Variants in DCLK1 observed in about 807,000 individuals in gnomAD.
DCLK1 encodes doublecortin like kinase 1.
Under a neutral mutation model 86.2 loss-of-function variants are expected in DCLK1, and 16 were observed. The observed-to-expected ratio is 0.19, with a 90% CI of 0.13 to 0.28. The LOEUF (loss-of-function observed/expected upper bound fraction) is 0.28, where lower values mean the gene tolerates loss of function less well. Among genes scored for constraint, DCLK1 ranks in the 10% least tolerant of loss-of-function variants. The probability of loss-of-function intolerance (pLI) is 1.00; values close to 1 mark genes in which losing one functional copy is unlikely to be tolerated. For missense variants in DCLK1, 590 were observed against 940.2 expected (o/e 0.63, Z 4.87); for synonymous variants, 369 against 370.5 (o/e 1.00, Z 0.05).
chr13:35,833,438 T>A (rs1869119100), intron 8 of DCLK1, among the ~76,000 whole-genome samples: 1 of 152,170 alleles, frequency 6.6e-6, no homozygotes, highest in African/African-American at 2.4e-5. Context: ...AGCTTCAAAG[T>A]AGAGCATGTC....
chr13:35,898,525 C>T (rs894303158), intron 4 of DCLK1, among the ~76,000 whole-genome samples: 5 of 152,098 alleles, frequency 3.3e-5, no homozygotes. Context: ...ACGATCTCAC[C>T]ATTTAGGCAT....
chr13:35,946,593 A>T (rs1877393492), intron 4 of DCLK1, among the ~76,000 whole-genome samples: 1 of 152,208 alleles, frequency 6.6e-6, no homozygotes, highest in Non-Finnish European at 1.5e-5. Flanking sequence ...AAGCATTTCC[A>T]ACTACGCAGA....
intron 4 of DCLK1, among the ~76,000 whole-genome samples, chr13:35,943,714 T>C (rs1049829882): frequency 1.3e-5 from 2 of 152,238 alleles, no homozygotes. Flanking sequence ...AGCATCAGGC[T>C]CATCCCCAAG....
intron 3 of DCLK1, among the ~76,000 whole-genome samples, chr13:36,107,335 AT>A (rs10670428): frequency 0.03 from 3,255 of 110,140 alleles, 8 homozygotes; most frequent in Middle Eastern, 0.05. Flanking sequence ...GCAGTGGTAG[AT>A]TTTTTTTTTT....
intron 3 of DCLK1, among the ~76,000 whole-genome samples, chr13:36,051,210 T>A (rs1471217254): frequency 6.6e-6 from 1 of 152,192 alleles, no homozygotes; most frequent in Non-Finnish European, 1.5e-5. Context: ...TAGACACTAA[T>A]CCTTCCAGCT....
chr13:35,937,916 C>T (rs1486198622), intron 4 of DCLK1, among the ~76,000 whole-genome samples: 2 of 151,950 alleles, frequency 1.3e-5, no homozygotes, highest in Non-Finnish European at 2.9e-5. Context: ...ACTGGAGGCT[C>T]TTTTAGGATA....
chr13:36,068,564 CTT>C (rs10591840), intron 3 of DCLK1, among the ~76,000 whole-genome samples: 42,217 of 150,546 alleles, frequency 0.28, 6,238 homozygotes, highest in Non-Finnish European at 0.34. Flanking sequence ...AGAGAACAGT[CTT>C]TTTTTTTTTA....
intron 15 of DCLK1, among the ~76,000 whole-genome samples, chr13:35,794,937 A>T (rs2086778343): frequency 6.6e-6 from 1 of 152,200 alleles, no homozygotes; most frequent in Non-Finnish European, 1.5e-5. Context: ...GGAATAGCAG[A>T]GTGTGGGAGG....
At chr13:35,800,511 T>C (rs1170822494) in intron 15 of DCLK1, among the ~76,000 whole-genome samples, 1 of 152,140 alleles carries the variant, frequency 6.6e-6, no homozygotes, top group Non-Finnish European at 1.5e-5. Flanking sequence ...CGCTCATGAC[T>C]CTTTCAACAA....
chr13:35,886,157 A>C (rs996231612), intron 4 of DCLK1, among the ~76,000 whole-genome samples: 2 of 151,780 alleles, frequency 1.3e-5, no homozygotes, highest in African/African-American at 4.8e-5. Flanking sequence ...GACTACAGGC[A>C]CATGCCACCA....
At chr13:35,828,182 G>T in intron 9 of DCLK1, 68 bp downstream of exon 9, 1 of 1,294,886 alleles carries the variant, frequency 7.7e-7, no homozygotes, top group Non-Finnish European at 1.1e-6. Context: ...ATTTGTTTGG[G>T]AGTGATCTTT....
At chr13:36,045,724 C>T (rs181442882) in intron 3 of DCLK1, among the ~76,000 whole-genome samples, 55 of 151,834 alleles carry the variant, frequency 3.6e-4, no homozygotes, top group East Asian at 5.8e-4. Context: ...TGGTGGTGAA[C>T]GCCTGTAGTC....
intron 11 of DCLK1, among the ~76,000 whole-genome samples, chr13:35,816,668 C>T (rs1467754423): frequency 6.6e-6 from 1 of 152,144 alleles, no homozygotes; most frequent in Admixed American, 6.6e-5. Flanking sequence ...AAATAAGTGG[C>T]AGGGCCAGAA....
chr13:35,854,630 C>T, intron 5 of DCLK1, 37 bp from the exon 6 acceptor site: 1 of 1,495,652 alleles, frequency 6.7e-7, no homozygotes, highest in Non-Finnish European at 9.0e-7. Context: ...AGAAAAATGG[C>T]ACGTTAAATA....
chr13:35,830,883 G>A (rs1868906138), intron 8 of DCLK1, among the ~76,000 whole-genome samples: 1 of 152,206 alleles, frequency 6.6e-6, no homozygotes, highest in African/African-American at 2.4e-5. Context: ...ATTTCCCCAT[G>A]TTTGCCATTT....
chr13:35,853,573 C>T (rs1262514529), intron 6 of DCLK1, among the ~76,000 whole-genome samples: 10 of 152,206 alleles, frequency 6.6e-5, no homozygotes, highest in Non-Finnish European at 8.8e-5. Flanking sequence ...CTGGATGACA[C>T]GTAATTTTGT....
chr13:35,967,588 G>A (rs927801337), intron 3 of DCLK1, among the ~76,000 whole-genome samples: 15 of 152,146 alleles, frequency 9.9e-5, no homozygotes, highest in African/African-American at 3.6e-4. Flanking sequence ...GATTAAGGGT[G>A]GTGCAAGATG....
At chr13:35,934,900 T>TA (rs546962417) in intron 4 of DCLK1, among the ~76,000 whole-genome samples, 25 of 151,604 alleles carry the variant, frequency 1.6e-4, no homozygotes, top group African/African-American at 3.9e-4. Flanking sequence ...AGATGCATTT[T>TA]AAAAAAAAAT....
At position 35,871,198 on chromosome 13, in the gene DCLK1, CT is replaced by C. The variant is rs760164731; in HGVS notation, c.940+25del. 34 of 1,592,206 alleles carry C rather than the reference CT, an allele frequency of 2.1e-5. No homozygotes were observed. In the African/African-American group the frequency reaches 4.4e-4, roughly 21 times the overall value. ...TCCTGTGTCAGGAACAAGGCAATTT[CT>C]TCAAAATCCCCTCTGCTGCTTTACC... On this transcript the variant is annotated intron_variant, in intron 5 of 16. Coordinates refer to ENST00000360631, the MANE Select transcript of DCLK1 (RefSeq NM_001330071.2).
Sources: allele counts gnomAD v4.1 joint callset (sites outside exome capture counted in the v4.1 genomes callset), GRCh38; gene constraint gnomAD v4.1.1; transcripts MANE v1.5; gene names NCBI Gene and HGNC (gene_info 2026-07-23, HGNC 2026-07-21).